Variants in SPTLC2 observed in about 807,000 individuals in gnomAD.
The protein encoded by SPTLC2 is serine palmitoyltransferase long chain base subunit 2.
In SPTLC2, 21 loss-of-function variants were observed where a neutral mutation model predicts 62.0. That is an observed-to-expected ratio of 0.34 (90% CI 0.24 to 0.49). The LOEUF (loss-of-function observed/expected upper bound fraction) is 0.49. Ranked by LOEUF, SPTLC2 falls within the 20% of genes least tolerant of loss-of-function variation. The pLI is 0.99. For missense variants in SPTLC2, 511 were observed against 713.0 expected (o/e 0.72, Z 3.23); for synonymous variants, 261 against 261.8 (o/e 1.00, Z 0.03).
chr14:77,532,343 A>C (rs529142090), intron 9 of SPTLC2, among the ~76,000 whole-genome samples: 6 of 152,252 alleles, frequency 3.9e-5, no homozygotes, highest in Admixed American at 3.3e-4. Context: ...GGTAATAAAA[A>C]TATTCGTTTT....
At chr14:77,605,949 T>C (rs1452612860) in intron 1 of SPTLC2, among the ~76,000 whole-genome samples, 1 of 152,260 alleles carries the variant, frequency 6.6e-6, no homozygotes, top group Non-Finnish European at 1.5e-5. Context: ...AGAGGTGTTT[T>C]ATACCTCATT....
chr14:77,509,876 C>G lies in SPTLC2; in HGVS notation c.*2408G>C, dbSNP rs754641801. On this transcript the variant is annotated 3_prime_UTR_variant, in exon 12 of 12. Transcript: ENST00000216484. Reference sequence around the variant, plus strand: ...CACTTATCTTGAAATAACTTTGTACCAACAAAGTGATATAGATATATTTTA... The same window carrying G: ...CACTTATCTTGAAATAACTTTGTACGAACAAAGTGATATAGATATATTTTA... 2.5e-6 allele frequency: 1 copy of G among 398,182 alleles called. No homozygotes were observed. The highest frequency in any genetic ancestry group is 4.4e-6 in the Non-Finnish European group (1 of 225,956). The allele number at this position is 398,182 out of a possible 1,614,324, so 24.7% of individuals were successfully genotyped here.
intron 2 of SPTLC2, among the ~76,000 whole-genome samples, chr14:77,581,405 CTTTTT>C (rs1159561282): frequency 3.2e-5 from 3 of 94,006 alleles, no homozygotes; most frequent in South Asian, 4.2e-4. Flanking sequence ...TACCATCTCT[CTTTTT>C]TTTTTTTTTT....
In SPTLC2 at chr14:77,576,765, A is replaced by G; in HGVS notation, c.631+2T>C. 2.5e-6 allele frequency: 4 copies of G among 1,614,144 alleles called. No individual in the cohort carries two copies. Among genetic ancestry groups the G allele is most frequent in the Non-Finnish European group, 3.4e-6 (4 of 1,180,022 alleles). ...AGCTGGCCAAATACAGCTTTCACTT[A>G]CCAATTTCCTGCCGAGTACTGCACA... On this transcript the variant is annotated splice_donor_variant, in intron 4 of 11. Transcript: ENST00000216484. LOFTEE classifies it high-confidence loss of function.
intron 6 of SPTLC2, among the ~76,000 whole-genome samples, 165 bp downstream of exon 6, chr14:77,562,231 C>G (rs1470065104): frequency 1.3e-5 from 2 of 152,186 alleles, no homozygotes; most frequent in East Asian, 3.8e-4. Context: ...CAAGAGGCTT[C>G]CATCAACCTC....
chr14:77,544,755 T>G (rs1452614468), intron 9 of SPTLC2, among the ~76,000 whole-genome samples: 1 of 152,218 alleles, frequency 6.6e-6, no homozygotes, highest in African/African-American at 2.4e-5. Context: ...ACGTTGCGCC[T>G]CCTTCTCCAT....
At chr14:77,576,666 A>G (rs1271028884) in intron 4 of SPTLC2, 101 bp downstream of exon 4, 1 of 1,512,426 alleles carries the variant, frequency 6.6e-7, no homozygotes, top group Non-Finnish European at 9.2e-7. Context: ...ATGACATGAC[A>G]AAGTGTAGAT....
chr14:77,557,082 C>G lies in SPTLC2; in HGVS notation c.915G>C (p.Arg305Ser). 6.2e-7 allele frequency: 1 copy of G among 1,613,990 alleles called. No homozygotes were observed. Among genetic ancestry groups the G allele is most frequent in the Non-Finnish European group, 8.5e-7 (1 of 1,180,022 alleles). ...AIVYGQPRTR[R>S]PWKKILILVE... is the part of the protein sequence containing the mutation. ...CAAGGATGAGAATTTTCTTCCAGGG[C>G]CTTCGTGTCCGAGGCTGACCATAAA... Residue 305 changes from arginine (R) to serine (S), a missense_variant, in exon 7 of 12, where the codon AGG (arginine) becomes AGC (serine). Transcript: ENST00000216484.
chr14:77,583,140 TAGTG>T (rs2079761483), intron 2 of SPTLC2, among the ~76,000 whole-genome samples: 1 of 151,446 alleles, frequency 6.6e-6, no homozygotes, highest in Non-Finnish European at 1.5e-5. Context: ...GTTGGGGCTG[TAGTG>T]AGCCAAGATC....
chr14:77,533,816 T>TG (rs1325424263), intron 9 of SPTLC2, among the ~76,000 whole-genome samples: 1 of 152,210 alleles, frequency 6.6e-6, no homozygotes, highest in Non-Finnish European at 1.5e-5. Flanking sequence ...GGTTTGCTGG[T>TG]GCCAACTGAA....
chr14:77,594,828 G>A (rs75549216), intron 2 of SPTLC2, among the ~76,000 whole-genome samples: 7,640 of 150,184 alleles, frequency 0.051, 198 homozygotes, highest in Middle Eastern at 0.12. Flanking sequence ...ATCTACACTA[G>A]GAGAGGTCCC....
chr14:77,610,284 G>A (rs192343872), intron 1 of SPTLC2, among the ~76,000 whole-genome samples: 186 of 152,202 alleles, frequency 1.2e-3, no homozygotes, highest in Non-Finnish European at 1.9e-3. Flanking sequence ...TGGGATTATA[G>A]GCACACACCA....
chr14:77,536,584 C>A (rs868291982), intron 9 of SPTLC2, among the ~76,000 whole-genome samples: 1 of 152,112 alleles, frequency 6.6e-6, no homozygotes, highest in Non-Finnish European at 1.5e-5. Flanking sequence ...ATTAGCAATA[C>A]CCCTTTTCAT....
intron 9 of SPTLC2, among the ~76,000 whole-genome samples, chr14:77,524,763 C>T (rs10147810): frequency 0.32 from 48,853 of 151,984 alleles, 8,112 homozygotes; most frequent in Admixed American, 0.38. Context: ...CGGAAAGACA[C>T]GTATCGCATG....
At chr14:77,587,759 A>AAATTAATAATAAT (rs2079790179) in intron 2 of SPTLC2, among the ~76,000 whole-genome samples, 1 of 145,100 alleles carries the variant, frequency 6.9e-6, no homozygotes, top group Non-Finnish European at 1.5e-5. Flanking sequence ...CTCTGTCTCA[A>AAATTAATAATAAT]AATAATAATA....
In SPTLC2 at chr14:77,555,359, T is replaced by C. The variant is rs772944201; in HGVS notation, c.1117A>G (p.Met373Val). ...FGLDPEDVDVMMGTFTKSFGA... is the reference protein window; with the variant it reads ...FGLDPEDVDVVMGTFTKSFGA... ...AAACTCTTTGTGAACGTTCCCATCA[T>C]AACATCCACATCCTCGGGATCCAGG... is the stretch of plus-strand genomic sequence containing the variant. The change falls in exon 8 of 12, where the codon ATG (methionine) becomes GTG (valine). Residue 373 changes from methionine (M) to valine (V), a missense_variant. By Grantham distance (21) the Met-to-Val change is conservative. Coordinates refer to ENST00000216484, the MANE Select transcript of SPTLC2 (RefSeq NM_004863.4). 3.7e-6 allele frequency: 6 copies of C among 1,613,998 alleles called. No homozygotes were observed. The African/African-American group carries it at 8.0e-5, about 22-fold the overall frequency.
At chr14:77,531,628 C>G (rs2079441663) in intron 9 of SPTLC2, among the ~76,000 whole-genome samples, 1 of 152,068 alleles carries the variant, frequency 6.6e-6, no homozygotes, top group Non-Finnish European at 1.5e-5. Context: ...ATTCTCCTCC[C>G]TCAGCCTCCT....
chr14:77,557,439 C>T lies in SPTLC2; in HGVS notation c.851-293G>A, dbSNP rs2272589. The T allele has an allele frequency of 0.19, 77,917 of 400,092 alleles. 8,195 individuals are homozygous for T. The highest frequency in any genetic ancestry group is 0.27 in the Middle Eastern group (365 of 1,376). 24.8% of individuals were successfully genotyped at this position (400,092 alleles called of 1,614,324 possible). ...CCAGTGTCTCATGTTAAATACCCTG[C>T]CATTAAGTTAGCTTCTGTGTGTTTA... On this transcript the variant is annotated intron_variant, in intron 6 of 11. Transcript: ENST00000216484.
chr14:77,543,228 T>C (rs1430135991), intron 9 of SPTLC2, among the ~76,000 whole-genome samples: 2 of 152,156 alleles, frequency 1.3e-5, no homozygotes, highest in Non-Finnish European at 2.9e-5. Context: ...TTTTGTATTT[T>C]TAGTAGAGAC....
Sources: gnomAD v4.1 joint callset for allele counts (sites outside exome capture counted in the v4.1 genomes callset) on GRCh38, gnomAD v4.1.1 for gene constraint, MANE v1.5 for transcripts, NCBI Gene and HGNC (gene_info 2026-07-23, HGNC 2026-07-21) for gene names.